TLE3: variants seen among roughly 807,000 people sequenced by gnomAD.
TLE3 encodes the protein transducin-like enhancer protein 3.
A neutral mutation model predicts 93.0 loss-of-function variants in TLE3; 14 were observed. That is an observed-to-expected ratio of 0.15 (90% CI 0.10 to 0.24). The LOEUF (loss-of-function observed/expected upper bound fraction) is 0.24, where lower values mean the gene tolerates loss of function less well. Among genes scored for constraint, TLE3 ranks in the 10% least tolerant of loss-of-function variants. The probability of loss-of-function intolerance (pLI) is 1.00; values close to 1 mark genes in which losing one functional copy is unlikely to be tolerated. For synonymous variants in TLE3, 451 were observed against 425.0 expected (o/e 1.06, Z -0.75); for missense variants, 693 against 1,046.6 (o/e 0.66, Z 4.66).
chr15:70,072,597 G>A (rs2057241326), intron 6 of TLE3, among the ~76,000 whole-genome samples: 1 of 152,196 alleles, frequency 6.6e-6, no homozygotes, highest in African/African-American at 2.4e-5. Flanking sequence ...AAGAGCCCTG[G>A]GCTGCGAGTC....
At chr15:70,053,592 T>C in intron 16 of TLE3, 3 of 405,554 alleles carry the variant, frequency 7.4e-6, no homozygotes, top group East Asian at 5.2e-5. Context: ...CAGGGACAAG[T>C]CCCCTGGGAA....
Position 70,053,359 on chromosome 15 carries a change from G to A in TLE3, c.1842C>T (p.His614=), listed in dbSNP as rs748209611. Residue 614 remains histidine (H), a synonymous_variant, in exon 17 of 20, where the codon CAC becomes CAT. Coordinates refer to ENST00000451782, the MANE Select transcript of TLE3 (RefSeq NM_001105192.3). ...TGTCTATGCAGCTGGCCCCATCTGT[G>A]TGGCCCTGGAACTGCCTACGAAAGC... ...NQTLVRQFQG[H]TDGASCIDIS... 2 of 1,606,934 alleles carry A rather than the reference G, an allele frequency of 1.2e-6. No individual in the cohort carries two copies. Among genetic ancestry groups the A allele is most frequent in the South Asian group, 2.2e-5 (2 of 89,824 alleles).
At chr15:70,095,412 A>G (rs909093305) in intron 3 of TLE3, 166 bp downstream of exon 3, 1 of 1,482,824 alleles carries the variant, frequency 6.7e-7, no homozygotes, top group Non-Finnish European at 8.9e-7. Flanking sequence ...GGCCCCGGCA[A>G]TGGAAGCTGG....
intron 6 of TLE3, among the ~76,000 whole-genome samples, chr15:70,069,043 G>C (rs2056984986): frequency 6.6e-6 from 1 of 152,216 alleles, no homozygotes; most frequent in Non-Finnish European, 1.5e-5. Flanking sequence ...TTAGCAAACA[G>C]ACAGATCCCA....
At chr15:70,055,414 T>C (rs1595869013) in intron 14 of TLE3, 116 bp from the exon 15 acceptor site, 1 of 1,448,002 alleles carries the variant, frequency 6.9e-7, no homozygotes, top group Admixed American at 2.4e-5. Flanking sequence ...TCTAGCCCCC[T>C]CTGCTCTGAA....
At chr15:70,055,974 A>T in intron 14 of TLE3, 1 of 445,404 alleles carries the variant, frequency 2.2e-6, no homozygotes, top group Non-Finnish European at 4.2e-6. Context: ...TCGAACCCAA[A>T]GGAGTCGGCA....
chr15:70,069,148 A>T (rs1286996656), intron 6 of TLE3, among the ~76,000 whole-genome samples: 1 of 152,220 alleles, frequency 6.6e-6, no homozygotes, highest in Non-Finnish European at 1.5e-5. Flanking sequence ...CACCTCTAAC[A>T]GTGCCTGGCA....
chr15:70,080,206 G>A (rs796491409), intron 4 of TLE3, among the ~76,000 whole-genome samples: 14 of 152,270 alleles, frequency 9.2e-5, no homozygotes, highest in African/African-American at 2.9e-4. Context: ...AGTTTCCAGA[G>A]GCCGACCTCC....
intron 8 of TLE3, among the ~76,000 whole-genome samples, chr15:70,063,350 C>T (rs1374103269): frequency 6.6e-6 from 1 of 152,208 alleles, no homozygotes; most frequent in Non-Finnish European, 1.5e-5. Flanking sequence ...GGATTTTCAG[C>T]TTCAATGACT....
At chr15:70,069,669 A>G (rs2057026936) in intron 6 of TLE3, among the ~76,000 whole-genome samples, 1 of 152,224 alleles carries the variant, frequency 6.6e-6, no homozygotes. Context: ...GGGACAGGAG[A>G]GCCAACCTCC....
chr15:70,051,284 G>T, intron 19 of TLE3, 107 bp downstream of exon 19: 1 of 1,166,720 alleles, frequency 8.6e-7, no homozygotes. Context: ...TCTGATCCTG[G>T]CTCCAGGCTC....
At chr15:70,093,245 T>C (rs1374911386) in intron 4 of TLE3, among the ~76,000 whole-genome samples, 1 of 152,172 alleles carries the variant, frequency 6.6e-6, no homozygotes, top group Non-Finnish European at 1.5e-5. Context: ...TTCCCACACA[T>C]TGCTCAATAA....
At chr15:70,061,433 G>C (rs972345133) in intron 8 of TLE3, among the ~76,000 whole-genome samples, 1 of 152,084 alleles carries the variant, frequency 6.6e-6, no homozygotes, top group Non-Finnish European at 1.5e-5. Flanking sequence ...CCAAAATTTC[G>C]TGAGTTCTCC....
chr15:70,074,923 T>C (rs969142261), intron 5 of TLE3, among the ~76,000 whole-genome samples: 4 of 152,276 alleles, frequency 2.6e-5, no homozygotes. Flanking sequence ...ATGAGCTGGA[T>C]ATCAGATGAT....
At position 70,076,054 on chromosome 15, in the gene TLE3, G is replaced by A. The variant is rs780024906; in HGVS notation, c.297+42C>T. On this transcript the variant is annotated intron_variant, in intron 5 of 19. Transcript: ENST00000451782. ...GTGAGACCCCACCAGCCACTGGGCTGATTTGGAAAGAAAAGGAAGAAATAA... is the reference window on the plus strand; with the variant it reads ...GTGAGACCCCACCAGCCACTGGGCTAATTTGGAAAGAAAAGGAAGAAATAA... 7 of 1,599,428 alleles carry A rather than the reference G, an allele frequency of 4.4e-6. 1 individual carries two copies. The Admixed American group carries it at 1.2e-4, about 27-fold the overall frequency.
In TLE3 at chr15:70,048,359, G is replaced by C. The variant is rs1371081426; in HGVS notation, c.*1738C>G. On this transcript the variant is annotated 3_prime_UTR_variant, in exon 20 of 20. Coordinates refer to ENST00000451782, the MANE Select transcript of TLE3 (RefSeq NM_001105192.3). ...CAGATGGACATCTGAGACCCAGAGA[G>C]ACTCTGGACGCCCCACGCGCCCAGC... 1 of 152,174 alleles carries C rather than the reference G, an allele frequency of 6.6e-6. No individual in the cohort carries two copies. The highest frequency in any genetic ancestry group is 6.5e-5 in the Admixed American group (1 of 15,288). The allele number at this position is 152,174 out of a possible 1,614,324, so 9.4% of individuals were successfully genotyped here.
In TLE3 at chr15:70,057,512, C is replaced by T. The variant is rs780143705; in HGVS notation, c.1198G>A (p.Ala400Thr). 2.7e-5 allele frequency: 43 copies of T among 1,607,684 alleles called. No homozygotes were observed. The highest frequency in any genetic ancestry group is 4.5e-5 in the East Asian group (2 of 44,628). ...HNIPPQMSAA[A>T]AAAAAAYGRS... Reference sequence around the variant, plus strand: ...CCATAGGCAGCGGCTGCAGCAGCGGCGGCGGCGCTCATCTGGGGTGGGATG... The same window carrying T: ...CCATAGGCAGCGGCTGCAGCAGCGGTGGCGGCGCTCATCTGGGGTGGGATG... Residue 400 changes from alanine to threonine, a missense_variant, in exon 13 of 20, where the codon GCC (alanine) becomes ACC (threonine). Coordinates refer to ENST00000451782, the MANE Select transcript of TLE3 (RefSeq NM_001105192.3).
rs1421991320 is a variant in TLE3 at position 70,049,844 on chromosome 15, A to G, written c.*253T>C. ...ATAAGCCTCCAATAAATCTATTTGT[A>G]GCAACTGCCAGCATTGTTCAGGGGG... is the stretch of plus-strand genomic sequence containing the variant. On this transcript the variant is annotated 3_prime_UTR_variant, in exon 20 of 20. Transcript: ENST00000451782. The G allele has an allele frequency of 2.5e-6, 1 of 402,188 alleles. No individual in the cohort carries two copies. The highest frequency in any genetic ancestry group is 4.6e-6 in the Non-Finnish European group (1 of 217,082). 24.9% of individuals were successfully genotyped at this position (402,188 alleles called of 1,614,324 possible).
At chr15:70,072,030 G>T (rs1426205406) in intron 6 of TLE3, among the ~76,000 whole-genome samples, 1 of 152,220 alleles carries the variant, frequency 6.6e-6, no homozygotes, top group Non-Finnish European at 1.5e-5. Flanking sequence ...CGTAATTCCT[G>T]CCTTGTGAGG....
Sources: allele counts gnomAD v4.1 joint callset (sites outside exome capture counted in the v4.1 genomes callset), GRCh38; gene constraint gnomAD v4.1.1; transcripts MANE v1.5; gene names NCBI Gene and HGNC (gene_info 2026-07-23, HGNC 2026-07-21).